The following LRRK2 variants were observed in gnomAD, a reference collection of about 807,000 sequenced individuals.
LRRK2 encodes the protein leucine-rich repeat serine/threonine-protein kinase 2.
LRRK2 carries 203 observed loss-of-function variants against 302.6 expected under a neutral mutation model. That is an observed-to-expected ratio of 0.67 (90% CI 0.60 to 0.75). The LOEUF (loss-of-function observed/expected upper bound fraction) is 0.75. LRRK2 is among the 30% of genes least tolerant of loss of function. LRRK2 has a pLI of 0.00. For missense variants in LRRK2, 2,830 were observed against 2,951.0 expected (o/e 0.96, Z 0.95); for synonymous variants, 1,066 against 1,031.9 (o/e 1.03, Z -0.63).
chr12:40,351,820 A>G (rs1337637804), intron 44 of LRRK2, 87 bp downstream of exon 44: 8 of 1,275,980 alleles, frequency 6.3e-6, no homozygotes, highest in South Asian at 1.3e-5. Flanking sequence ...ATAAGAGCCA[A>G]TGTAGGATTA....
chr12:40,339,740 A>C (rs1328538966), intron 40 of LRRK2, among the ~76,000 whole-genome samples: 1 of 152,172 alleles, frequency 6.6e-6, no homozygotes, highest in Admixed American at 6.5e-5. Context: ...ATTTGTTTTC[A>C]TCCAAAAAGT....
intron 12 of LRRK2, 38 bp from the exon 13 acceptor site, chr12:40,259,442 T>A: frequency 6.2e-7 from 1 of 1,611,902 alleles, no homozygotes; most frequent in Non-Finnish European, 8.5e-7. Flanking sequence ...TTGAATCAGA[T>A]CAGTCTTTCA....
intron 31 of LRRK2, among the ~76,000 whole-genome samples, chr12:40,313,090 T>C (rs1434080801): frequency 6.6e-6 from 1 of 152,022 alleles, no homozygotes; most frequent in Non-Finnish European, 1.5e-5. Context: ...TTGTAGTAAG[T>C]GTAAGAATTT....
At chr12:40,228,763 A>C (rs149720743) in intron 2 of LRRK2, among the ~76,000 whole-genome samples, 2,211 of 152,210 alleles carry the variant, frequency 0.015, 142 homozygotes, top group Admixed American at 0.099. Flanking sequence ...TCCATTTTGA[A>C]ATGATTTGTG....
chr12:40,235,436 A>G (rs1941405783), intron 3 of LRRK2, among the ~76,000 whole-genome samples, 190 bp from the exon 4 acceptor site: 1 of 152,198 alleles, frequency 6.6e-6, no homozygotes, highest in Non-Finnish European at 1.5e-5. Context: ...TGATTGCACC[A>G]TTGCATTCCA....
chr12:40,319,297 A>C (rs1406423678), intron 33 of LRRK2, among the ~76,000 whole-genome samples: 1 of 152,086 alleles, frequency 6.6e-6, no homozygotes, highest in Non-Finnish European at 1.5e-5. Flanking sequence ...TAAAGAAATC[A>C]AATACCTTTC....
chr12:40,256,561 T>C (rs2136504093), intron 11 of LRRK2, among the ~76,000 whole-genome samples: 1 of 152,382 alleles, frequency 6.6e-6, no homozygotes, highest in Admixed American at 6.5e-5. Context: ...ATATGTTTCC[T>C]AGACTTTGGC....
chr12:40,343,154 C>A (rs1159247674), intron 41 of LRRK2, among the ~76,000 whole-genome samples: 1 of 152,174 alleles, frequency 6.6e-6, no homozygotes, highest in African/African-American at 2.4e-5. Context: ...AGAAACAATG[C>A]AATTATTGAC....
chr12:40,308,621 G>A lies in LRRK2; in HGVS notation c.4114G>A (p.Asp1372Asn). 6.2e-7 allele frequency: 1 copy of A among 1,614,032 alleles called. No homozygotes were observed. Among genetic ancestry groups the A allele is most frequent in the South Asian group, 1.1e-5 (1 of 91,078 alleles). ...LGMQSATVGI[D>N]VKDWPIQIRD... Reference sequence around the variant, plus strand: ...AATGCAAAGTGCCACAGTTGGCATAGATGTGAAAGACTGGCCTATCCAAAT... The same window carrying A: ...AATGCAAAGTGCCACAGTTGGCATAAATGTGAAAGACTGGCCTATCCAAAT... The change falls in exon 29 of 51, where the codon GAT (aspartate) becomes AAT (asparagine). Residue 1372 changes from aspartate to asparagine, a missense_variant. Physicochemically the swap from Asp to Asn is conservative, Grantham distance 23. Around this residue, in one of 3 missense-constraint regions of LRRK2, gnomAD observed 2,121 missense variants for 2,148.0 expected, o/e 0.99. Coordinates refer to ENST00000298910, the MANE Select transcript of LRRK2 (RefSeq NM_198578.4).
chr12:40,264,671 C>A (rs1488236836), intron 14 of LRRK2, among the ~76,000 whole-genome samples: 1 of 152,110 alleles, frequency 6.6e-6, no homozygotes, highest in Non-Finnish European at 1.5e-5. Flanking sequence ...TCTTTGATTC[C>A]CTACGCTCCT....
chr12:40,235,800 T>C, intron 4 of LRRK2, 86 bp downstream of exon 4: 1 of 767,468 alleles, frequency 1.3e-6, no homozygotes, highest in Non-Finnish European at 2.2e-6. Flanking sequence ...TGTGTTTTTT[T>C]TTTTTTTTTT....
chr12:40,299,398 G>A, intron 25 of LRRK2, 141 bp downstream of exon 25: 2 of 933,346 alleles, frequency 2.1e-6, no homozygotes, highest in South Asian at 1.5e-5. Context: ...AAAATTAGCA[G>A]GTTGGCAATA....
rs568795352 is a variant in LRRK2 at position 40,264,339 on chromosome 12, G to A, written c.1656+438G>A. The stretch of plus-strand genomic sequence containing the variant: ...TACCAGTGTTAACAGTAAAGTCTTC[G>A]GCTGGGCACAGTGGCCCACACCTGT... On this transcript the variant is annotated intron_variant, in intron 14 of 50. Coordinates refer to ENST00000298910, the MANE Select transcript of LRRK2 (RefSeq NM_198578.4). 6.6e-5 allele frequency among the ~76,000 whole-genome samples: 10 copies of A among 152,198 alleles called. No individual in the cohort carries two copies. The South Asian group carries it at 8.3e-4, about 13-fold the overall frequency.
chr12:40,277,614 A>T (rs1298148253), intron 16 of LRRK2, among the ~76,000 whole-genome samples: 1 of 152,052 alleles, frequency 6.6e-6, no homozygotes, highest in Non-Finnish European at 1.5e-5. Context: ...ATCTTTGAAA[A>T]CCAAATTTGA....
At chr12:40,344,630 A>G (rs1216364807) in intron 41 of LRRK2, among the ~76,000 whole-genome samples, 1 of 152,186 alleles carries the variant, frequency 6.6e-6, no homozygotes, top group Non-Finnish European at 1.5e-5. Context: ...TGTCTGTAAA[A>G]TAGTAGAGAG....
chr12:40,364,875 A>T lies in LRRK2; in HGVS notation c.7215A>T (p.Lys2405Asn). Residue 2405 changes from lysine to asparagine, a missense_variant, in exon 49 of 51, where the codon AAA (lysine) becomes AAT (asparagine). Physicochemically the swap from Lys to Asn is moderately conservative, Grantham distance 94 (BLOSUM62 0). Transcript: ENST00000298910. ...EVMVKENKESKHKMSYSGRVK... is the reference protein window; with the variant it reads ...EVMVKENKESNHKMSYSGRVK... ...TGGTAAAAGAAAACAAGGAATCAAAACACAAAATGTCTTATTCTGGGAGAG... is the reference window on the plus strand; with the variant it reads ...TGGTAAAAGAAAACAAGGAATCAAATCACAAAATGTCTTATTCTGGGAGAG... 1 of 1,612,290 alleles carries T rather than the reference A, an allele frequency of 6.2e-7. No individual in the cohort carries two copies. Among genetic ancestry groups the T allele is most frequent in the Non-Finnish European group, 8.5e-7 (1 of 1,178,900 alleles).
intron 35 of LRRK2, among the ~76,000 whole-genome samples, chr12:40,321,422 T>A (rs1208653056): frequency 6.6e-6 from 1 of 152,018 alleles, no homozygotes; most frequent in Non-Finnish European, 1.5e-5. Context: ...AGAAAATTCC[T>A]TAGGTGCTCA....
At chr12:40,278,293 C>G in intron 18 of LRRK2, 32 bp downstream of exon 18, 1 of 1,612,442 alleles carries the variant, frequency 6.2e-7, no homozygotes, top group East Asian at 2.2e-5. Context: ...TTTGTCTTTG[C>G]TCAGTATTCT....
At chr12:40,273,073 C>A (rs10878299) in intron 14 of LRRK2, among the ~76,000 whole-genome samples, 3 of 152,042 alleles carry the variant, frequency 2.0e-5, no homozygotes, top group African/African-American at 7.2e-5. Context: ...TATAACAACC[C>A]TACATTATTA....
Sources: gnomAD v4.1 joint callset for allele counts (sites outside exome capture counted in the v4.1 genomes callset) on GRCh38, gnomAD v4.1.1 for gene constraint, gnomAD v4.1.1 regional missense constraint, MANE v1.5 for transcripts, NCBI Gene and HGNC (gene_info 2026-07-23, HGNC 2026-07-21) for gene names.